The following NHSL2 variants were observed in gnomAD, a reference collection of about 807,000 sequenced individuals.
NHSL2 encodes the protein NHS like 2, also known as NHS-like protein 2.
NHSL2 carries 27 observed loss-of-function variants against 53.4 expected under a neutral mutation model. That is an observed-to-expected ratio of 0.51 (90% CI 0.37 to 0.70). The LOEUF is 0.70. Among genes scored for constraint, NHSL2 ranks in the 30% least tolerant of loss-of-function variants. NHSL2 has a pLI of 0.00. For synonymous variants in NHSL2, 408 were observed against 404.1 expected, an observed-to-expected ratio of 1.01 and a Z score of -0.12; for missense variants, 892 against 980.1, an observed-to-expected ratio of 0.91 and a Z score of 1.20.
At chrX:72,063,199 C>T (rs2042408680) in intron 1 of NHSL2, among the ~76,000 whole-genome samples, 1 of 111,932 alleles carries the variant, frequency 8.9e-6, no homozygotes, top group African/African-American at 3.3e-5. Context: ...AAAAGAAAAA[C>T]ATTTCCCAAA....
intron 1 of NHSL2, among the ~76,000 whole-genome samples, chrX:72,016,709 T>G (rs1290545762): frequency 1.8e-5 from 2 of 110,748 alleles, no homozygotes; most frequent in Non-Finnish European, 3.8e-5. Flanking sequence ...CATTTGTGTC[T>G]GTGTATTTGT....
At chrX:71,922,046 A>T (rs1381244038) in intron 1 of NHSL2, among the ~76,000 whole-genome samples, 3 of 113,017 alleles carry the variant, frequency 2.7e-5, no homozygotes, top group Non-Finnish European at 5.6e-5. Flanking sequence ...TTAACCATCT[A>T]TAACAGGGGT....
At chrX:72,120,781 C>T (rs1315691954) in intron 1 of NHSL2, among the ~76,000 whole-genome samples, 2 of 112,704 alleles carry the variant, frequency 1.8e-5, no homozygotes, top group Non-Finnish European at 3.8e-5. Context: ...TGTTATGTCT[C>T]CTCAGCTAAC....
At chrX:71,992,999 G>T (rs1001792035) in intron 1 of NHSL2, among the ~76,000 whole-genome samples, 7 of 112,199 alleles carry the variant, frequency 6.2e-5, no homozygotes, top group African/African-American at 1.9e-4. Flanking sequence ...CTCTGGCAGC[G>T]ACAGGAACAA....
chrX:72,004,999 C>T (rs1602305619), intron 1 of NHSL2, among the ~76,000 whole-genome samples: 1 of 111,559 alleles, frequency 9.0e-6, no homozygotes, highest in Non-Finnish European at 1.9e-5. Context: ...TCACGTTTCC[C>T]ACCCACCGAG....
intron 1 of NHSL2, among the ~76,000 whole-genome samples, chrX:71,977,939 C>T (rs2041956002): frequency 9.0e-6 from 1 of 111,283 alleles, no homozygotes; most frequent in South Asian, 3.8e-4. Flanking sequence ...TATAAGTGCA[C>T]AGACTCTGGA....
chrX:71,912,518 ACCCCACCCCAT>A (rs1277448612), intron 1 of NHSL2, among the ~76,000 whole-genome samples: 1 of 111,285 alleles, frequency 9.0e-6, no homozygotes, highest in African/African-American at 3.3e-5. Flanking sequence ...TTCATTGCAG[ACCCCACCCCAT>A]CCCCACCCCT....
intron 1 of NHSL2, among the ~76,000 whole-genome samples, chrX:72,008,752 A>T (rs1321342627): frequency 8.9e-6 from 1 of 111,790 alleles, no homozygotes. Flanking sequence ...GTGGAACAGG[A>T]TTTTTCTTCA....
At position 72,144,690 on chromosome X, in the gene NHSL2, C is replaced by T; in HGVS notation, c.*1116C>T. 3.0e-6 allele frequency: 1 copy of T among 338,273 alleles called. No individual in the cohort carries two copies. The highest frequency in any genetic ancestry group is 9.0e-5 in the East Asian group (1 of 11,155). 27.9% of individuals were successfully genotyped at this position (338,273 alleles called of 1,213,427 possible). A position where few individuals can be genotyped will look rare whatever the true frequency, so the allele number is the denominator to read the frequency against. On this transcript the variant is annotated 3_prime_UTR_variant, in exon 8 of 8. Coordinates refer to ENST00000633930, the MANE Select transcript of NHSL2 (RefSeq NM_001013627.3). ...ATCTAAAAGGCAGTCTTGCCAGTTG[C>T]TATGGCCCATAATGCACACACACAC...
At chrX:72,056,738 CATTCA>C (rs2042371865) in intron 1 of NHSL2, among the ~76,000 whole-genome samples, 1 of 112,492 alleles carries the variant, frequency 8.9e-6, no homozygotes, top group Non-Finnish European at 1.9e-5. Flanking sequence ...GGCCACCAGG[CATTCA>C]ATTCTTCAAT....
At chrX:72,125,533 A>G (rs10442437) in intron 1 of NHSL2, among the ~76,000 whole-genome samples, 66,442 of 110,980 alleles carry the variant, frequency 0.6, 16,685 homozygotes, top group Non-Finnish European at 0.79. Context: ...TAGAGTCAGC[A>G]GCAAGGCTGG....
chrX:72,033,105 ATATC>A (rs771961459), intron 1 of NHSL2, among the ~76,000 whole-genome samples: 262 of 110,777 alleles, frequency 2.4e-3, no homozygotes, highest in African/African-American at 8.2e-3. Flanking sequence ...ATAGTTGTCT[ATATC>A]TATAAAAAGA....
At chrX:72,138,318 C>T (rs776620505) in intron 5 of NHSL2, 123 bp from the exon 6 acceptor site, 19 of 508,152 alleles carry the variant, frequency 3.7e-5, no homozygotes, top group Non-Finnish European at 6.1e-5. Context: ...AAGGGAAGAA[C>T]CAAGGAATTC....
At chrX:72,104,529 C>T (rs1372766279) in intron 1 of NHSL2, among the ~76,000 whole-genome samples, 2 of 111,534 alleles carry the variant, frequency 1.8e-5, no homozygotes, top group Non-Finnish European at 3.8e-5. Flanking sequence ...AGATAAGGAG[C>T]ATGGGCATGT....
At chrX:71,932,544 G>A (rs2041718713) in intron 1 of NHSL2, among the ~76,000 whole-genome samples, 1 of 111,465 alleles carries the variant, frequency 9.0e-6, no homozygotes, top group Non-Finnish European at 1.9e-5. Context: ...AGATGAGGGA[G>A]GGCTAGATGA....
At chrX:72,069,592 A>AGAGGAGGAGGAGGAGGAGTAGGAG in intron 1 of NHSL2, 1 of 680,816 alleles carries the variant, frequency 1.5e-6, no homozygotes, top group South Asian at 8.4e-5. Flanking sequence ...GAGCACAGGC[A>AGAGGAGGAGGAGGAGGAGTAGGAG]GAGGAGGAGG....
chrX:72,044,553 G>C (rs2042294055), intron 1 of NHSL2: 4 of 801,732 alleles, frequency 5.0e-6, no homozygotes, highest in Non-Finnish European at 7.5e-6. Context: ...AGATGACAAA[G>C]AAAAGAAGGA....
Position 72,142,326 on chromosome X carries a change from T to C in NHSL2, c.3318T>C (p.Ala1106=). ...IAEDDDDVFV[A]SRTTEDLFTV... ...AGGATGATGATGACGTGTTTGTGGC[T>C]TCACGCACAACTGAAGATTTATTTA... The change falls in exon 7 of 8, where the codon GCT becomes GCC. Residue 1106 remains alanine, a synonymous_variant. Transcript: ENST00000633930. 1.7e-6 allele frequency: 2 copies of C among 1,163,102 alleles called. No homozygotes were observed. Among genetic ancestry groups the C allele is most frequent in the Non-Finnish European group, 2.3e-6 (2 of 868,825 alleles).
At chrX:72,064,811 C>A (rs1310350261) in intron 1 of NHSL2, among the ~76,000 whole-genome samples, 8 of 112,462 alleles carry the variant, frequency 7.1e-5, no homozygotes, top group African/African-American at 2.6e-4. Flanking sequence ...CTCCCTCTCT[C>A]TTTGATAGAA....
Sources: gnomAD v4.1 joint callset for allele counts (sites outside exome capture counted in the v4.1 genomes callset) on GRCh38, gnomAD v4.1.1 for gene constraint, MANE v1.5 for transcripts, NCBI Gene and HGNC (gene_info 2026-07-23, HGNC 2026-07-21) for gene names.